Variants in RPLP2 observed in about 807,000 individuals in gnomAD.
The protein encoded by RPLP2 is ribosomal protein lateral stalk subunit P2, also known as large ribosomal subunit protein P2.
RPLP2 carries 1 observed loss-of-function variant against 11.5 expected under a neutral mutation model. The observed-to-expected ratio is 0.09, with a 90% CI of 0.03 to 0.41. The LOEUF is 0.41. Ranked by LOEUF, RPLP2 falls within the 10% of genes least tolerant of loss-of-function variation. RPLP2 has a pLI of 0.98. For synonymous variants in RPLP2, 82 were observed against 55.9 expected, an observed-to-expected ratio of 1.47 and a Z score of -2.08; for missense variants, 177 against 145.6, an observed-to-expected ratio of 1.22 and a Z score of -1.11.
At chr11:812,073 G>C in intron 3 of RPLP2, 2 of 381,558 alleles carry the variant, frequency 5.2e-6, no homozygotes, top group South Asian at 4.4e-5. Context: ...GTTGGCTTCA[G>C]CTGAGCTGGT....
At chr11:810,181 G>A in intron 1 of RPLP2, 53 bp from the exon 2 acceptor site, 1 of 1,439,908 alleles carries the variant, frequency 6.9e-7, no homozygotes, top group Non-Finnish European at 9.2e-7. Context: ...GGGATGGGCC[G>A]GCAGGAGGCC....
intron 3 of RPLP2, 88 bp downstream of exon 3, chr11:811,733 T>G (rs764904458): frequency 3.9e-6 from 6 of 1,543,722 alleles, no homozygotes; most frequent in Non-Finnish European, 5.4e-6. Flanking sequence ...GTTTCGCTTG[T>G]GGACCAGAGC....
chr11:812,050 C>T (rs922355317), intron 3 of RPLP2: 6 of 389,696 alleles, frequency 1.5e-5, no homozygotes, highest in African/African-American at 8.3e-5. Context: ...CTTTGTTGGG[C>T]AGATGGTTTT....
At chr11:812,454 C>A in intron 3 of RPLP2, 81 bp from the exon 4 acceptor site, 1 of 1,575,528 alleles carries the variant, frequency 6.3e-7, no homozygotes, top group Non-Finnish European at 8.6e-7. Flanking sequence ...CATGTGCCAT[C>A]TCTGGTGCCA....
At chr11:811,728 G>C in intron 3 of RPLP2, 83 bp downstream of exon 3, 2 of 1,577,984 alleles carry the variant, frequency 1.3e-6, no homozygotes, top group Non-Finnish European at 1.7e-6. Context: ...GCCAGGTTTC[G>C]CTTGTGGACC....
chr11:812,062 T>C (rs1227051808), intron 3 of RPLP2: 6 of 384,840 alleles, frequency 1.6e-5, no homozygotes, highest in Non-Finnish European at 3.0e-5. Flanking sequence ...GATGGTTTTT[T>C]GTTGGCTTCA....
chr11:810,620 C>T, intron 2 of RPLP2: 1 of 319,806 alleles, frequency 3.1e-6, no homozygotes, highest in Non-Finnish European at 5.8e-6. Flanking sequence ...ATGTCGAAAC[C>T]CCATCCCTAC....
At chr11:810,144 C>G in intron 1 of RPLP2, 90 bp from the exon 2 acceptor site, 2 of 1,363,170 alleles carry the variant, frequency 1.5e-6, no homozygotes, top group Non-Finnish European at 1.9e-6. Flanking sequence ...ACGGGCCGAG[C>G]CACGCGCGGC....
rs767145241 is a variant in RPLP2, at chr11:812,637, A to AGTG, written c.271+9_271+11dup. Reference sequence around the variant, plus strand: ...GCTGGTTCTGCCCCTGCTGCAGGTAAGTGGTGGCCTGGTGAGTGGGCAAGG... The same window carrying AGTG: ...GCTGGTTCTGCCCCTGCTGCAGGTAAGTGGTGGTGGCCTGGTGAGTGGGCAAGG... On this transcript the variant is annotated splice_donor_region_variant and intron_variant, in intron 4 of 4. Transcript: ENST00000321153. 1 of 1,610,464 alleles carries AGTG rather than the reference A, an allele frequency of 6.2e-7. No homozygotes were observed. The highest frequency in any genetic ancestry group is 8.5e-7 in the Non-Finnish European group (1 of 1,179,882).
At chr11:811,451 G>A in intron 2 of RPLP2, 146 bp from the exon 3 acceptor site, 2 of 805,256 alleles carry the variant, frequency 2.5e-6, no homozygotes, top group East Asian at 2.6e-5. Context: ...AAGTGAGGCT[G>A]GTGGCTCCCT....
intron 2 of RPLP2, 75 bp from the exon 3 acceptor site, chr11:811,522 T>A: frequency 6.3e-7 from 1 of 1,585,538 alleles, no homozygotes; most frequent in Non-Finnish European, 8.7e-7. Flanking sequence ...CCAGTCCTGC[T>A]GTGACTCTGG....
At chr11:812,663 G>A (rs1866098286) in intron 4 of RPLP2, 30 bp downstream of exon 4, 1 of 1,611,642 alleles carries the variant, frequency 6.2e-7, no homozygotes, top group Admixed American at 1.7e-5. Context: ...GTGGGCAAGG[G>A]GCTGGGGCTC....
chr11:810,791 GAAAAA>G (rs35176006), intron 2 of RPLP2, among the ~76,000 whole-genome samples: 3 of 116,346 alleles, frequency 2.6e-5, no homozygotes, highest in South Asian at 2.8e-4. Context: ...GTCTCAAAAG[GAAAAA>G]AAAAAAAAAA....
intron 3 of RPLP2, chr11:812,005 T>G (rs955948167): frequency 8.9e-6 from 4 of 451,482 alleles, no homozygotes; most frequent in South Asian, 7.9e-5. Flanking sequence ...GGGCAGGGAC[T>G]GAGGGTGCCA....
At position 810,333 on chromosome 11, in the gene RPLP2, G is replaced by A. The variant is rs1392692541; in HGVS notation, c.99G>A (p.Glu33=). The A allele has an allele frequency of 6.2e-7, 1 of 1,608,176 alleles. No individual in the cohort carries two copies. The highest frequency in any genetic ancestry group is 1.3e-5 in the African/African-American group (1 of 74,380). Reference sequence around the variant, plus strand: ...AGATCTTGGACAGCGTGGGTATCGAGGCGGACGACGACCGGCTCAACAAGG... The same window carrying A: ...AGATCTTGGACAGCGTGGGTATCGAAGCGGACGACGACCGGCTCAACAAGG... ...IKKILDSVGI[E]ADDDRLNKVI... The change falls in exon 2 of 5, where the codon GAG becomes GAA. Residue 33 remains glutamate (E), a synonymous_variant. Coordinates refer to ENST00000321153, the MANE Select transcript of RPLP2 (RefSeq NM_001004.4).
Position 812,546 on chromosome 11 carries a change from C to T in RPLP2, c.184C>T (p.Leu62Phe). The T allele has an allele frequency of 1.2e-6, 2 of 1,609,522 alleles. No individual in the cohort carries two copies. Among genetic ancestry groups the T allele is most frequent in the South Asian group, 2.2e-5 (2 of 90,986 alleles). The change falls in exon 4 of 5, where the codon CTT becomes TTT. Residue 62 changes from leucine (L) to phenylalanine (F), a missense_variant. Leu to Phe is a conservative substitution (Grantham distance 22). Transcript: ENST00000321153. ...TCTGCTTTCTGTAGGTATTGGCAAG[C>T]TTGCCAGTGTACCTGCTGGTGGGGC... ...EDVIAQGIGKLASVPAGGAVA... is the reference protein window; with the variant it reads ...EDVIAQGIGKFASVPAGGAVA...
chr11:810,487 T>C, intron 2 of RPLP2, 130 bp downstream of exon 2: 1 of 932,198 alleles, frequency 1.1e-6, no homozygotes, highest in Non-Finnish European at 1.6e-6. Flanking sequence ...GGCGATTTCT[T>C]GGATAGAGAA....
intron 2 of RPLP2, among the ~76,000 whole-genome samples, chr11:811,188 G>A (rs921347639): frequency 1.3e-5 from 2 of 152,000 alleles, no homozygotes; most frequent in African/African-American, 4.8e-5. Context: ...TAAAAAATTA[G>A]CCAGGCTTGG....
Position 812,595 on chromosome 11 carries a change from G to C in RPLP2, c.233G>C (p.Gly78Ala), listed in dbSNP as rs1400527639. ...GCTGTAGCCGTCTCTGCTGCCCCAGGCTCTGCAGCCCCTGCTGCTGGTTCT... is the reference window on the plus strand; with the variant it reads ...GCTGTAGCCGTCTCTGCTGCCCCAGCCTCTGCAGCCCCTGCTGCTGGTTCT... ...GGAVAVSAAP[G>A]SAAPAAGSAP... The change falls in exon 4 of 5, where the codon GGC (glycine) becomes GCC (alanine). Residue 78 changes from glycine (G) to alanine (A), a missense_variant. Physicochemically the swap from Gly to Ala is moderately conservative, Grantham distance 60. Coordinates refer to ENST00000321153, the MANE Select transcript of RPLP2 (RefSeq NM_001004.4). The C allele has an allele frequency of 6.2e-7, 1 of 1,609,402 alleles. No individual in the cohort carries two copies.
Sources: gnomAD v4.1 joint callset for allele counts (sites outside exome capture counted in the v4.1 genomes callset) on GRCh38, gnomAD v4.1.1 for gene constraint, MANE v1.5 for transcripts, NCBI Gene and HGNC (gene_info 2026-07-23, HGNC 2026-07-21) for gene names.